OPHN1: variants seen among roughly 807,000 people sequenced by gnomAD.
The protein encoded by OPHN1 is oligophrenin-1.
A neutral mutation model predicts 60.7 loss-of-function variants in OPHN1; 11 were observed. The observed-to-expected ratio is 0.18, with a 90% confidence interval of 0.11 to 0.30. OPHN1 has a LOEUF of 0.30. OPHN1 is among the 10% of genes least tolerant of loss of function. The pLI, the probability that OPHN1 is intolerant of heterozygous loss-of-function variation, is 1.00. For synonymous variants in OPHN1, 226 were observed against 222.6 expected (o/e 1.02, Z -0.14); for missense variants, 449 against 611.0 (o/e 0.73, Z 2.80).
chrX:68,278,988 C>T (rs1348681021), intron 4 of OPHN1, among the ~76,000 whole-genome samples: 1 of 108,336 alleles, frequency 9.2e-6, no homozygotes, highest in African/African-American at 3.4e-5. Context: ...TCTTCAAAAA[C>T]AGACCTTGCA....
Position 68,433,211 on chromosome X carries a change from G to A in OPHN1, c.-48C>T. 2.3e-6 allele frequency: 1 copy of A among 441,424 alleles called. No homozygotes were observed. Among genetic ancestry groups the A allele is most frequent in the Non-Finnish European group, 3.8e-6 (1 of 263,118 alleles). 36.4% of individuals were successfully genotyped at this position (441,424 alleles called of 1,213,427 possible). On this transcript the variant is annotated 5_prime_UTR_variant, in exon 1 of 25. Coordinates refer to ENST00000355520, the MANE Select transcript of OPHN1 (RefSeq NM_002547.3). ...TGAGGAGCGCTGGCTGGTCCGGACA[G>A]AGAACAGGCGCCCCGGCGATGGCTT...
intron 5 of OPHN1, among the ~76,000 whole-genome samples, chrX:68,266,085 C>A (rs1291215108): frequency 1.8e-5 from 2 of 111,555 alleles, no homozygotes; most frequent in Admixed American, 1.9e-4. Flanking sequence ...GAGAATGGAA[C>A]CAAGTTGGAA....
intron 2 of OPHN1, among the ~76,000 whole-genome samples, chrX:68,323,855 CA>C (rs1394659027): frequency 8.9e-6 from 1 of 111,850 alleles, no homozygotes; most frequent in Non-Finnish European, 1.9e-5. Context: ...TGTAATTTAT[CA>C]TACATACAGA....
chrX:68,255,908 AT>A (rs1366122262), intron 5 of OPHN1, among the ~76,000 whole-genome samples: 2 of 111,603 alleles, frequency 1.8e-5, no homozygotes, highest in Non-Finnish European at 3.8e-5. Flanking sequence ...ACAGAAAGTC[AT>A]TACTGAAGTG....
chrX:68,069,362 T>C (rs186449977), intron 20 of OPHN1, among the ~76,000 whole-genome samples: 1 of 111,798 alleles, frequency 8.9e-6, no homozygotes, highest in Admixed American at 9.5e-5. Context: ...GAGTTTATAT[T>C]TGGGGAGACT....
At chrX:68,265,894 T>C (rs1417379583) in intron 5 of OPHN1, among the ~76,000 whole-genome samples, 3 of 111,504 alleles carry the variant, frequency 2.7e-5, no homozygotes, top group Non-Finnish European at 5.6e-5. Context: ...CAAGCCTCTG[T>C]AGCCAATTCG....
intron 6 of OPHN1, among the ~76,000 whole-genome samples, chrX:68,224,860 T>A (rs185067050): frequency 8.9e-6 from 1 of 112,575 alleles, no homozygotes; most frequent in African/African-American, 3.2e-5. Context: ...ACTGAGTTCA[T>A]CTCACTGCGG....
At chrX:68,210,308 A>G (rs749487918) in intron 8 of OPHN1, 26 bp from the exon 9 acceptor site, 4 of 1,189,139 alleles carry the variant, frequency 3.4e-6, no homozygotes, top group Non-Finnish European at 2.3e-6. Flanking sequence ...CATGAAAATC[A>G]TTATTATCAT....
intron 2 of OPHN1, among the ~76,000 whole-genome samples, chrX:68,394,733 G>A (rs896482153): frequency 9.0e-6 from 1 of 111,350 alleles, no homozygotes; most frequent in African/African-American, 3.3e-5. Context: ...TGCAACCTCT[G>A]CCTGCCAGGT....
intron 9 of OPHN1, among the ~76,000 whole-genome samples, chrX:68,208,401 T>C (rs2077569754): frequency 8.9e-6 from 1 of 112,056 alleles, no homozygotes; most frequent in Non-Finnish European, 1.9e-5. Flanking sequence ...TTCCTCCTTT[T>C]CTTTACCTAT....
At chrX:68,330,286 CAG>C (rs1353864840) in intron 2 of OPHN1, among the ~76,000 whole-genome samples, 2 of 110,398 alleles carry the variant, frequency 1.8e-5, no homozygotes, top group Admixed American at 1.9e-4. Context: ...TTTGTACAGA[CAG>C]GGTTTCACCA....
intron 15 of OPHN1, among the ~76,000 whole-genome samples, chrX:68,152,376 A>G (rs767443028): frequency 5.9e-4 from 65 of 111,058 alleles, no homozygotes; most frequent in South Asian, 1.6e-3. Context: ...CTCCTATCAA[A>G]GGCTCATCTC....
At chrX:68,390,649 A>C (rs1399916030) in intron 2 of OPHN1, among the ~76,000 whole-genome samples, 3 of 111,760 alleles carry the variant, frequency 2.7e-5, no homozygotes, top group Non-Finnish European at 5.6e-5. Context: ...CTAAATGAAT[A>C]ATTATTAAGG....
chrX:68,406,065 G>A lies in OPHN1; in HGVS notation c.154+26802C>T, dbSNP rs181983394. ...CAGGAGGCTGAGGCACAAGAATCGC[G>A]TGAACCCAGGAGGCAGAGGCTGCAG... On this transcript the variant is annotated intron_variant, in intron 2 of 24. Coordinates refer to ENST00000355520, the MANE Select transcript of OPHN1 (RefSeq NM_002547.3). Among the ~76,000 whole-genome samples, 437 of 107,728 alleles carry A rather than the reference G, an allele frequency of 4.1e-3. 1 individual carries two copies. The Middle Eastern group carries it at 0.052, about 13-fold the overall frequency. 93.5% of individuals were successfully genotyped at this position (107,728 alleles called of 115,157 possible).
intron 2 of OPHN1, among the ~76,000 whole-genome samples, chrX:68,372,328 G>A (rs779138345): frequency 1.8e-5 from 2 of 111,132 alleles, no homozygotes; most frequent in Admixed American, 9.7e-5. Flanking sequence ...ATCCACAGCC[G>A]GGCACAGTGG....
Position 68,195,055 on chromosome X carries a change from GAAGGAAGGAAGA to G in OPHN1, c.1105-569_1105-558del, listed in dbSNP as rs1277507357. On this transcript the variant is annotated intron_variant, in intron 12 of 24. Coordinates refer to ENST00000355520, the MANE Select transcript of OPHN1 (RefSeq NM_002547.3). ...GGAAGGAAGGAAGGAAGGAAGGAAG[GAAGGAAGGAAGA>G]AAGAAAGAAAATACTTGAACAATCC... Among the ~76,000 whole-genome samples, 129 of 89,727 alleles carry G rather than the reference GAAGGAAGGAAGA, an allele frequency of 1.4e-3. 3 individuals are homozygous for G. Among genetic ancestry groups the G allele is most frequent in the African/African-American group, 6.5e-3 (121 of 18,536 alleles). The allele number at this position is 89,727 out of a possible 115,157, so 77.9% of individuals were successfully genotyped here. A position where few individuals can be genotyped will look rare whatever the true frequency, so the allele number is the denominator to read the frequency against.
At chrX:68,350,029 G>A (rs1032185251) in intron 2 of OPHN1, among the ~76,000 whole-genome samples, 12 of 111,225 alleles carry the variant, frequency 1.1e-4, no homozygotes, top group Non-Finnish European at 3.8e-5. Flanking sequence ...TGCACGTTCT[G>A]CACATGTAAT....
intron 2 of OPHN1, among the ~76,000 whole-genome samples, chrX:68,371,319 T>C (rs1045257373): frequency 2.8e-5 from 3 of 108,605 alleles, no homozygotes; most frequent in Admixed American, 1.0e-4. Flanking sequence ...CCAGGCTCAA[T>C]TGATCCTCCC....
chrX:68,120,409 G>GA (rs1172631085), intron 15 of OPHN1, among the ~76,000 whole-genome samples: 1 of 111,525 alleles, frequency 9.0e-6, no homozygotes, highest in African/African-American at 3.3e-5. Flanking sequence ...ATTAAATAAA[G>GA]AAAAAACTTA....
Sources: allele counts gnomAD v4.1 joint callset (sites outside exome capture counted in the v4.1 genomes callset), GRCh38; gene constraint gnomAD v4.1.1; transcripts MANE v1.5; gene names NCBI Gene and HGNC (gene_info 2026-07-23, HGNC 2026-07-21).